GALNTL6: variants seen among roughly 807,000 people sequenced by gnomAD.
GALNTL6 encodes polypeptide N-acetylgalactosaminyltransferase like 6, also known as polypeptide N-acetylgalactosaminyltransferase-like 6.
A neutral mutation model predicts 73.7 loss-of-function variants in GALNTL6; 46 were observed. That is an observed-to-expected ratio of 0.62 (90% CI 0.49 to 0.80). The LOEUF (loss-of-function observed/expected upper bound fraction) is 0.80, where lower values mean the gene tolerates loss of function less well. GALNTL6 is among the 30% of genes least tolerant of loss of function. The pLI is 0.00. For missense variants in GALNTL6, 604 were observed against 755.0 expected (o/e 0.80, Z 2.34); for synonymous variants, 259 against 263.7 (o/e 0.98, Z 0.17).
Position 172,493,603 on chromosome 4 carries a change from A to G in GALNTL6, c.553+144914A>G, listed in dbSNP as rs556612937. On this transcript the variant is annotated intron_variant, in intron 5 of 12. Transcript: ENST00000506823. ...TATGATATGTAGCTAGAGATTATTC[A>G]TAACCTTAACTGACCTTTAAAAAAA... Among the ~76,000 whole-genome samples the G allele has an allele frequency of 3.9e-5, 6 of 152,270 alleles. No individual in the cohort carries two copies. The South Asian group carries it at 8.3e-4, about 21-fold the overall frequency.
At chr4:172,213,540 C>T (rs1736398721) in intron 2 of GALNTL6, among the ~76,000 whole-genome samples, 2 of 152,078 alleles carry the variant, frequency 1.3e-5, no homozygotes, top group Admixed American at 1.3e-4. Context: ...GTTGTATATG[C>T]TTATTTTGCA....
intron 5 of GALNTL6, among the ~76,000 whole-genome samples, chr4:172,754,493 A>G (rs1466025108): frequency 6.6e-6 from 1 of 152,124 alleles, no homozygotes; most frequent in Non-Finnish European, 1.5e-5. Flanking sequence ...AATCACTTGA[A>G]CCTGGGAGGT....
At chr4:172,889,339 C>A (rs1745895814) in intron 8 of GALNTL6, among the ~76,000 whole-genome samples, 2 of 152,100 alleles carry the variant, frequency 1.3e-5, no homozygotes, top group Non-Finnish European at 2.9e-5. Flanking sequence ...TGTTCCAGTT[C>A]TTAATGAAAA....
intron 5 of GALNTL6, chr4:172,666,741 T>C (rs1248547045): frequency 6.6e-6 from 1 of 152,182 alleles, no homozygotes; most frequent in East Asian, 1.9e-4. Context: ...TCCAAATAAA[T>C]ATCATTTCCA....
chr4:172,185,070 C>T (rs1475877234), intron 2 of GALNTL6, among the ~76,000 whole-genome samples: 37 of 152,264 alleles, frequency 2.4e-4, no homozygotes, highest in Non-Finnish European at 1.5e-5. Context: ...GCAGTTAAGT[C>T]AGCAATAAGA....
intron 5 of GALNTL6, among the ~76,000 whole-genome samples, chr4:172,802,664 A>G (rs1448611698): frequency 6.6e-6 from 1 of 152,116 alleles, no homozygotes; most frequent in Non-Finnish European, 1.5e-5. Flanking sequence ...TTAGCCAGGC[A>G]TGGTGGTGCA....
intron 2 of GALNTL6, among the ~76,000 whole-genome samples, chr4:171,831,556 C>T (rs556586): frequency 0.44 from 65,912 of 151,514 alleles, 14,621 homozygotes; most frequent in Middle Eastern, 0.51. Context: ...TAGCTTTGAC[C>T]TTCTTTCATT....
At chr4:172,711,624 G>C (rs192468856) in intron 5 of GALNTL6, among the ~76,000 whole-genome samples, 2 of 152,276 alleles carry the variant, frequency 1.3e-5, no homozygotes, top group Non-Finnish European at 2.9e-5. Flanking sequence ...CATTCCTGAG[G>C]AGGAGCAGGT....
intron 5 of GALNTL6, among the ~76,000 whole-genome samples, chr4:172,502,771 C>T (rs896690738): frequency 1.2e-4 from 19 of 152,250 alleles, no homozygotes; most frequent in Admixed American, 3.3e-4. Context: ...GTAGATTAAA[C>T]GTTAGCATCA....
chr4:172,314,993 C>G (rs1740494071), intron 4 of GALNTL6, among the ~76,000 whole-genome samples: 1 of 152,098 alleles, frequency 6.6e-6, no homozygotes, highest in Admixed American at 6.6e-5. Context: ...TTTATTATTT[C>G]AGAATCAGCA....
chr4:172,677,804 G>C (rs974497868), intron 5 of GALNTL6, among the ~76,000 whole-genome samples: 1 of 151,494 alleles, frequency 6.6e-6, no homozygotes, highest in Non-Finnish European at 1.5e-5. Flanking sequence ...AGAAGAAGGA[G>C]GAAACAATTC....
At chr4:171,834,506 C>G (rs1446186482) in intron 2 of GALNTL6, among the ~76,000 whole-genome samples, 1 of 151,954 alleles carries the variant, frequency 6.6e-6, no homozygotes, top group Non-Finnish European at 1.5e-5. Flanking sequence ...GTAAACACTT[C>G]AAATGCCTTT....
intron 2 of GALNTL6, among the ~76,000 whole-genome samples, chr4:171,951,608 G>A (rs940636050): frequency 2.8e-4 from 3 of 10,654 alleles, no homozygotes; most frequent in African/African-American, 3.6e-4. Flanking sequence ...ATATAATTAA[G>A]CACTTTTAAA....
chr4:172,345,176 C>T (rs1172131321), intron 4 of GALNTL6, among the ~76,000 whole-genome samples: 1 of 151,604 alleles, frequency 6.6e-6, no homozygotes, highest in Non-Finnish European at 1.5e-5. Flanking sequence ...CATTGTCACA[C>T]AGGCAGTAAA....
At chr4:172,899,322 C>G (rs900791269) in intron 8 of GALNTL6, among the ~76,000 whole-genome samples, 1 of 152,200 alleles carries the variant, frequency 6.6e-6, no homozygotes, top group Non-Finnish European at 1.5e-5. Flanking sequence ...AAATTTCCCT[C>G]TCACTATGGT....
chr4:172,762,314 T>C (rs1364418808), intron 5 of GALNTL6, among the ~76,000 whole-genome samples: 1 of 152,234 alleles, frequency 6.6e-6, no homozygotes, highest in Non-Finnish European at 1.5e-5. Flanking sequence ...CACCGAATTA[T>C]ATAAATGTTC....
intron 5 of GALNTL6, among the ~76,000 whole-genome samples, chr4:172,623,688 C>A (rs573806623): frequency 1.3e-5 from 2 of 152,152 alleles, no homozygotes; most frequent in South Asian, 4.1e-4. Context: ...AAATTTAATT[C>A]TTGGCTGACA....
At chr4:172,576,632 G>A (rs1426509494) in intron 5 of GALNTL6, among the ~76,000 whole-genome samples, 1 of 152,122 alleles carries the variant, frequency 6.6e-6, no homozygotes, top group Non-Finnish European at 1.5e-5. Flanking sequence ...ATCCTGCTTT[G>A]CAGAACTGTT....
At position 172,069,509 on chromosome 4, in the gene GALNTL6, A is replaced by ATATGT. The variant is rs1491370978; in HGVS notation, c.139-160144_139-160143insGTTAT. Among the ~76,000 whole-genome samples, 192 of 63,334 alleles carry ATATGT rather than the reference A, an allele frequency of 3.0e-3. 60 individuals carry two copies. Among genetic ancestry groups the ATATGT allele is most frequent in the Non-Finnish European group, 5.8e-3 (161 of 27,904 alleles). 41.5% of individuals were successfully genotyped at this position (63,334 alleles called of 152,430 possible). ...AACACATATGTTATATGTATAACACATATATGTTATATGTATAACACATAT... is the reference window on the plus strand; with the variant it reads ...AACACATATGTTATATGTATAACACATATGTTATATGTTATATGTATAACACATAT... On this transcript the variant is annotated intron_variant, in intron 2 of 12. Transcript: ENST00000506823.
Sources: allele counts gnomAD v4.1 joint callset (sites outside exome capture counted in the v4.1 genomes callset), GRCh38; gene constraint gnomAD v4.1.1; transcripts MANE v1.5; gene names NCBI Gene and HGNC (gene_info 2026-07-23, HGNC 2026-07-21).